DLG1: variants seen among roughly 807,000 people sequenced by gnomAD.
DLG1 encodes discs large MAGUK scaffold protein 1.
DLG1 carries 42 observed loss-of-function variants against 123.4 expected under a neutral mutation model. The observed-to-expected ratio is 0.34, with a 90% CI of 0.27 to 0.44. DLG1 has a LOEUF of 0.44. DLG1 is among the 20% of genes least tolerant of loss of function. DLG1 has a pLI of 1.00. For synonymous variants in DLG1, 317 were observed against 356.2 expected (o/e 0.89, Z 1.24); for missense variants, 942 against 1,082.6 (o/e 0.87, Z 1.82).
chr3:197,103,708 A>C (rs1422820935), intron 14 of DLG1, among the ~76,000 whole-genome samples: 1 of 150,580 alleles, frequency 6.6e-6, no homozygotes, highest in Non-Finnish European at 1.5e-5. Context: ...GCAATGCTCA[A>C]CATGCTGCTT....
At chr3:197,264,688 A>AGGCCG (rs1760946286) in intron 4 of DLG1, among the ~76,000 whole-genome samples, 1 of 152,150 alleles carries the variant, frequency 6.6e-6, no homozygotes, top group African/African-American at 2.4e-5. Flanking sequence ...CGGCCTCCCA[A>AGGCCG]AGTGCTGGGA....
At chr3:197,290,570 C>A (rs1018745899) in intron 3 of DLG1, among the ~76,000 whole-genome samples, 1 of 152,016 alleles carries the variant, frequency 6.6e-6, no homozygotes, top group African/African-American at 2.4e-5. Context: ...AATCTAATCA[C>A]AAGGAAACAT....
intron 5 of DLG1, among the ~76,000 whole-genome samples, chr3:197,167,487 T>C (rs1046311723): frequency 1.3e-5 from 2 of 152,168 alleles, no homozygotes; most frequent in African/African-American, 2.4e-5. Context: ...CAAAATCATA[T>C]ATCATGTGAT....
intron 14 of DLG1, among the ~76,000 whole-genome samples, chr3:197,099,411 C>A (rs190192088): frequency 2.8e-4 from 43 of 152,250 alleles, no homozygotes; most frequent in African/African-American, 9.9e-4. Flanking sequence ...CATTTACACT[C>A]CTCTCCTAGA....
intron 4 of DLG1, among the ~76,000 whole-genome samples, chr3:197,236,523 C>G (rs1746046974): frequency 6.6e-6 from 1 of 152,134 alleles, no homozygotes; most frequent in Non-Finnish European, 1.5e-5. Context: ...TCAAAATGAT[C>G]ATTTGGCTGG....
chr3:197,087,977 T>A (rs984990777), intron 15 of DLG1, among the ~76,000 whole-genome samples: 1 of 152,064 alleles, frequency 6.6e-6, no homozygotes, highest in African/African-American at 2.4e-5. Flanking sequence ...GGGAAGGTGG[T>A]TGGACTGAAA....
At chr3:197,229,316 G>A (rs567290274) in intron 4 of DLG1, among the ~76,000 whole-genome samples, 1 of 152,008 alleles carries the variant, frequency 6.6e-6, no homozygotes, top group South Asian at 2.1e-4. Context: ...AACACAGCAA[G>A]AGTCCATCTC....
At chr3:197,138,117 A>G in intron 9 of DLG1, 105 bp downstream of exon 9, 1 of 607,548 alleles carries the variant, frequency 1.6e-6, no homozygotes, top group African/African-American at 1.9e-5. Flanking sequence ...GTTCTGTAGA[A>G]TATTACTAAT....
At chr3:197,243,080 A>C (rs1749781912) in intron 4 of DLG1, among the ~76,000 whole-genome samples, 1 of 152,224 alleles carries the variant, frequency 6.6e-6, no homozygotes, top group Admixed American at 6.5e-5. Context: ...GCAAGAGCAC[A>C]CCAAACAAAG....
At chr3:197,277,739 C>CT (rs574355850) in intron 4 of DLG1, among the ~76,000 whole-genome samples, 5 of 152,022 alleles carry the variant, frequency 3.3e-5, no homozygotes, top group Admixed American at 1.3e-4. Flanking sequence ...TTTACTCTTG[C>CT]TTTTTTTTAA....
At chr3:197,142,596 G>T in intron 7 of DLG1, 122 bp downstream of exon 7, 1 of 634,896 alleles carries the variant, frequency 1.6e-6, no homozygotes, top group Non-Finnish European at 2.4e-6. Flanking sequence ...CCAATTTTAT[G>T]AACTGGGAAC....
chr3:197,264,585 C>A (rs1346305702), intron 4 of DLG1, among the ~76,000 whole-genome samples: 1 of 152,110 alleles, frequency 6.6e-6, no homozygotes, highest in Non-Finnish European at 1.5e-5. Flanking sequence ...TGCCACCACG[C>A]CCAGCTAATT....
Position 197,076,696 on chromosome 3 carries a change from G to A in DLG1, c.1906-11C>T. 1.2e-6 allele frequency: 2 copies of A among 1,604,556 alleles called. No homozygotes were observed. The highest frequency in any genetic ancestry group is 1.7e-4 in the Middle Eastern group (1 of 6,024). ...GTCATTGAATGACTGCTGAAGAAGA[G>A]AAGGAGGGGCAAAACAAAGGGATGT... On this transcript the variant is annotated splice_polypyrimidine_tract_variant and intron_variant, in intron 17 of 24. Coordinates refer to ENST00000667157, the MANE Select transcript of DLG1 (RefSeq NM_001366207.1).
intron 21 of DLG1, 96 bp downstream of exon 21, chr3:197,065,612 A>G: frequency 9.6e-7 from 1 of 1,038,926 alleles, no homozygotes; most frequent in South Asian, 1.5e-5. Flanking sequence ...TAAAATAAGT[A>G]CAAACCATTA....
chr3:197,211,327 G>A (rs7631958), intron 4 of DLG1, among the ~76,000 whole-genome samples: 24,117 of 145,800 alleles, frequency 0.17, 4,263 homozygotes, highest in African/African-American at 0.31. Context: ...AAACCTGGCA[G>A]AGACACAACA....
At chr3:197,072,494 T>G (rs540219149) in intron 18 of DLG1, among the ~76,000 whole-genome samples, 1 of 152,258 alleles carries the variant, frequency 6.6e-6, no homozygotes, top group East Asian at 1.9e-4. Flanking sequence ...TTATCACTAC[T>G]AGGGAAATTA....
intron 23 of DLG1, among the ~76,000 whole-genome samples, chr3:197,055,977 C>G (rs1389761965): frequency 6.6e-6 from 1 of 152,302 alleles, no homozygotes; most frequent in South Asian, 2.1e-4. Flanking sequence ...CTGGCTCCCA[C>G]AAACCCTATG....
chr3:197,252,390 T>C (rs766336430), intron 4 of DLG1, among the ~76,000 whole-genome samples: 8 of 152,158 alleles, frequency 5.3e-5, no homozygotes, highest in Non-Finnish European at 8.8e-5. Context: ...TATAATAGAA[T>C]ATTATTCAGC....
chr3:197,289,690 T>C (rs1400185705), intron 3 of DLG1, among the ~76,000 whole-genome samples: 1 of 152,176 alleles, frequency 6.6e-6, no homozygotes, highest in African/African-American at 2.4e-5. Context: ...CATACTAAGA[T>C]AATACCACAA....
Sources: gnomAD v4.1 joint callset for allele counts (sites outside exome capture counted in the v4.1 genomes callset) on GRCh38, gnomAD v4.1.1 for gene constraint, MANE v1.5 for transcripts, NCBI Gene and HGNC (gene_info 2026-07-23, HGNC 2026-07-21) for gene names.